The following SRGAP2 variants were observed in gnomAD, a reference collection of about 807,000 sequenced individuals.
SRGAP2 encodes SLIT-ROBO Rho GTPase activating protein 2.
SRGAP2 carries 15 observed loss-of-function variants against 57.2 expected under a neutral mutation model. The observed-to-expected ratio is 0.26, with a 90% CI of 0.18 to 0.40. SRGAP2 has a LOEUF of 0.40. Ranked by LOEUF, SRGAP2 falls within the 10% of genes least tolerant of loss-of-function variation. The pLI, the probability that SRGAP2 is intolerant of heterozygous loss-of-function variation, is 1.00. For missense variants in SRGAP2, 520 were observed against 669.6 expected (o/e 0.78, Z 2.47); for synonymous variants, 249 against 248.0 (o/e 1.00, Z -0.04).
At chr1:206,229,739 C>T (rs1667504103) in intron 2 of SRGAP2, among the ~76,000 whole-genome samples, 1 of 151,912 alleles carries the variant, frequency 6.6e-6, no homozygotes, top group Non-Finnish European at 1.5e-5. Context: ...TTCAGGATTT[C>T]TATAGCTTCT....
chr1:206,422,684 A>C (rs1034113847), intron 13 of SRGAP2, among the ~76,000 whole-genome samples: 25 of 152,194 alleles, frequency 1.6e-4, no homozygotes, highest in African/African-American at 6.0e-4. Context: ...TGGCTGCAGG[A>C]GTGCCAGAGA....
In SRGAP2 at chr1:206,419,389, C is replaced by T. The variant is rs1553363452; in HGVS notation, c.1458C>T (p.Cys486=). The T allele has an allele frequency of 2.6e-6, 2 of 780,674 alleles. No homozygotes were observed. Among genetic ancestry groups the T allele is most frequent in the Admixed American group, 1.7e-5 (1 of 59,028 alleles). The allele number at this position is 780,674 out of a possible 1,614,324, so 48.4% of individuals were successfully genotyped here. The change falls in exon 12 of 23, where the codon TGC becomes TGT. Residue 486 remains cysteine (C), a synonymous_variant. Coordinates refer to ENST00000573034, the MANE Select transcript of SRGAP2 (RefSeq NM_015326.5). Reference sequence around the variant, plus strand: ...TTCCAACAGGTCAGCGGACAGATTGCAGTCTAGCCAGGTGAGTGTGGCCTG... The same window carrying T: ...TTCCAACAGGTCAGCGGACAGATTGTAGTCTAGCCAGGTGAGTGTGGCCTG... ...KTLGESQRTD[C]SLARRSSTVR...
intron 12 of SRGAP2, among the ~76,000 whole-genome samples, chr1:206,419,751 A>T (rs1228675724): frequency 1.3e-5 from 2 of 151,882 alleles, no homozygotes; most frequent in Non-Finnish European, 2.9e-5. Flanking sequence ...AGACTTCAAC[A>T]TAGGGGCTCT....
chr1:206,401,098 C>G (rs1475592814), intron 7 of SRGAP2, among the ~76,000 whole-genome samples: 1 of 151,934 alleles, frequency 6.6e-6, no homozygotes, highest in East Asian at 1.9e-4. Flanking sequence ...CCCAGATAAA[C>G]CTGAAAATGA....
intron 4 of SRGAP2, among the ~76,000 whole-genome samples, chr1:206,353,332 T>C (rs1271463283): frequency 6.6e-6 from 1 of 152,180 alleles, no homozygotes. Context: ...TCTGTATGCT[T>C]TAGTTTAGAT....
At chr1:206,283,428 C>G (rs1399354768) in intron 2 of SRGAP2, among the ~76,000 whole-genome samples, 1 of 152,092 alleles carries the variant, frequency 6.6e-6, no homozygotes, top group Non-Finnish European at 1.5e-5. Flanking sequence ...AATCCCAGCA[C>G]TTTGGGAGGC....
intron 2 of SRGAP2, among the ~76,000 whole-genome samples, chr1:206,254,136 TA>T (rs1456413094): frequency 3.8e-5 from 4 of 105,050 alleles, no homozygotes; most frequent in Middle Eastern, 3.8e-3. Context: ...AAGCCTTGCC[TA>T]AACCCTAAGC....
At chr1:206,306,206 C>G (rs1316774810) in intron 3 of SRGAP2, among the ~76,000 whole-genome samples, 14 of 152,176 alleles carry the variant, frequency 9.2e-5, no homozygotes, top group African/African-American at 2.7e-4. Context: ...GGCTGCGGAC[C>G]CTTGCGGTGA....
At chr1:206,298,257 GTGA>G (rs1431449093) in intron 2 of SRGAP2, among the ~76,000 whole-genome samples, 2 of 149,658 alleles carry the variant, frequency 1.3e-5, no homozygotes, top group African/African-American at 4.9e-5. Context: ...TTTGGAAATG[GTGA>G]TCTGCCAGTG....
At chr1:206,208,466 C>G (rs1471377858) in intron 2 of SRGAP2, among the ~76,000 whole-genome samples, 2 of 151,890 alleles carry the variant, frequency 1.3e-5, no homozygotes, top group Non-Finnish European at 2.9e-5. Flanking sequence ...CTTCCAAGGT[C>G]ACACAGCCAA....
Position 206,462,445 on chromosome 1 carries a change from G to A in SRGAP2, c.*1025G>A, listed in dbSNP as rs1553381271. ...GAAATGGGTCCTTTTTCCTCCTAAT[G>A]TTTTTGGCACTTAAAACATAAAATT... On this transcript the variant is annotated 3_prime_UTR_variant, in exon 23 of 23. Transcript: ENST00000573034. The A allele has an allele frequency of 6.6e-6, 1 of 152,532 alleles. No homozygotes were observed. The highest frequency in any genetic ancestry group is 1.5e-5 in the Non-Finnish European group (1 of 68,014). The allele number at this position is 152,532 out of a possible 1,614,324, so 9.4% of individuals were successfully genotyped here.
chr1:206,308,219 TG>T (rs1672379184), intron 3 of SRGAP2, among the ~76,000 whole-genome samples: 1 of 72,252 alleles, frequency 1.4e-5, no homozygotes, highest in Non-Finnish European at 2.8e-5. Context: ...AGTCATTATG[TG>T]GTTGGAGAGA....
At chr1:206,278,931 A>G (rs1223463230) in intron 2 of SRGAP2, among the ~76,000 whole-genome samples, 2 of 150,640 alleles carry the variant, frequency 1.3e-5, no homozygotes, top group East Asian at 3.9e-4. Context: ...AGATGAGGTC[A>G]GAGAGGAGAG....
intron 4 of SRGAP2, among the ~76,000 whole-genome samples, chr1:206,378,413 A>G (rs1553345653): frequency 6.6e-6 from 1 of 152,146 alleles, no homozygotes; most frequent in Non-Finnish European, 1.5e-5. Context: ...GTTGAGCCCA[A>G]GAGTTCAAGG....
chr1:206,372,956 T>TTTC (rs1416086064), intron 4 of SRGAP2, among the ~76,000 whole-genome samples: 2,588 of 8,868 alleles, frequency 0.29, 532 homozygotes, highest in East Asian at 0.44. Flanking sequence ...TCTTTCTTTC[T>TTTC]TTTCTTTCCT....
At chr1:206,354,400 C>A (rs563806485) in intron 4 of SRGAP2, among the ~76,000 whole-genome samples, 1 of 152,126 alleles carries the variant, frequency 6.6e-6, no homozygotes, top group Non-Finnish European at 1.5e-5. Context: ...AAGGCATGGC[C>A]TTTCTGGGGT....
intron 5 of SRGAP2, among the ~76,000 whole-genome samples, chr1:206,389,913 A>G (rs1392969872): frequency 1.3e-5 from 2 of 151,678 alleles, no homozygotes; most frequent in Admixed American, 1.3e-4. Flanking sequence ...ATATCTATAT[A>G]TACATATATG....
chr1:206,378,872 A>G (rs1553346020), intron 4 of SRGAP2, among the ~76,000 whole-genome samples: 1 of 152,252 alleles, frequency 6.6e-6, no homozygotes, highest in African/African-American at 2.4e-5. Context: ...CTCCGGACAC[A>G]TAAGTACTTT....
chr1:206,380,536 CA>C (rs1655608254), intron 4 of SRGAP2, among the ~76,000 whole-genome samples: 2 of 130,420 alleles, frequency 1.5e-5, no homozygotes, highest in Non-Finnish European at 3.2e-5. Context: ...AAACTTTGTC[CA>C]AAGTAATTTT....
Sources: allele counts gnomAD v4.1 joint callset (sites outside exome capture counted in the v4.1 genomes callset), GRCh38; gene constraint gnomAD v4.1.1; transcripts MANE v1.5; gene names NCBI Gene and HGNC (gene_info 2026-07-23, HGNC 2026-07-21).